Variants in MAP4K5 observed in about 807,000 individuals in gnomAD.
The protein encoded by MAP4K5 is mitogen-activated protein kinase kinase kinase kinase 5.
A neutral mutation model predicts 135.6 loss-of-function variants in MAP4K5; 82 were observed. That is an observed-to-expected ratio of 0.60 (90% confidence interval 0.51 to 0.73). The LOEUF (loss-of-function observed/expected upper bound fraction) is 0.73, where lower values mean the gene tolerates loss of function less well. Ranked by LOEUF, MAP4K5 falls within the 30% of genes least tolerant of loss-of-function variation. The pLI is 0.00. For synonymous variants in MAP4K5, 347 were observed against 335.0 expected, an observed-to-expected ratio of 1.04 and a Z score of -0.39; for missense variants, 907 against 1,010.9, an observed-to-expected ratio of 0.90 and a Z score of 1.39.
At chr14:50,476,419 G>A (rs1428251477) in intron 6 of MAP4K5, 113 bp from the exon 7 acceptor site, 1 of 517,058 alleles carries the variant, frequency 1.9e-6, no homozygotes. Context: ...TCTTTTTTGG[G>A]GAGAAAAAAA....
intron 2 of MAP4K5, among the ~76,000 whole-genome samples, chr14:50,528,402 TAAAAA>T (rs5808556): frequency 1.9e-5 from 2 of 107,066 alleles, no homozygotes; most frequent in African/African-American, 3.7e-5. Context: ...ACCTAAGGTG[TAAAAA>T]AAAAAAAAAA....
At chr14:50,443,562 T>A (rs1478742792) in intron 20 of MAP4K5, among the ~76,000 whole-genome samples, 167 bp downstream of exon 20, 3 of 152,202 alleles carry the variant, frequency 2.0e-5, no homozygotes, top group Non-Finnish European at 4.4e-5. Flanking sequence ...TCAATTCCAA[T>A]TCACACACTC....
chr14:50,491,645 C>T (rs1417989306), intron 3 of MAP4K5, among the ~76,000 whole-genome samples: 1 of 151,480 alleles, frequency 6.6e-6, no homozygotes, highest in Admixed American at 6.6e-5. Context: ...TAAGCATGAA[C>T]TAATACCAAA....
chr14:50,429,643 T>C (rs1045748994), intron 28 of MAP4K5, among the ~76,000 whole-genome samples: 9 of 152,200 alleles, frequency 5.9e-5, no homozygotes, highest in African/African-American at 1.4e-4. Flanking sequence ...ACAAGATGAA[T>C]TGGGTGAATC....
chr14:50,454,333 G>T (rs2036554541), intron 14 of MAP4K5, among the ~76,000 whole-genome samples: 1 of 152,110 alleles, frequency 6.6e-6, no homozygotes, highest in South Asian at 2.1e-4. Flanking sequence ...CTGAGATTCT[G>T]ATCATGTTCT....
chr14:50,537,988 T>C (rs1396592293), intron 2 of MAP4K5, among the ~76,000 whole-genome samples: 1 of 152,086 alleles, frequency 6.6e-6, no homozygotes, highest in East Asian at 1.9e-4. Flanking sequence ...GCATGATTGG[T>C]TTTGAAACGT....
At chr14:50,542,001 C>T (rs1205795024) in intron 2 of MAP4K5, among the ~76,000 whole-genome samples, 7 of 86,282 alleles carry the variant, frequency 8.1e-5, no homozygotes, top group African/African-American at 1.5e-4. Context: ...AGCGAGATTC[C>T]GTCTCAAAAA....
At chr14:50,547,170 A>G (rs916163973) in intron 1 of MAP4K5, among the ~76,000 whole-genome samples, 1 of 152,218 alleles carries the variant, frequency 6.6e-6, no homozygotes, top group African/African-American at 2.4e-5. Flanking sequence ...AGATTTGTCT[A>G]ATATCTCAGT....
At chr14:50,435,728 G>C (rs1949645862) in intron 26 of MAP4K5, among the ~76,000 whole-genome samples, 1 of 151,982 alleles carries the variant, frequency 6.6e-6, no homozygotes, top group African/African-American at 2.4e-5. Context: ...GTGTACAGAT[G>C]TCTACTTAAG....
intron 17 of MAP4K5, among the ~76,000 whole-genome samples, chr14:50,445,601 G>A (rs1206556929): frequency 6.6e-6 from 1 of 151,762 alleles, no homozygotes; most frequent in Non-Finnish European, 1.5e-5. Context: ...ATGGAGTCTC[G>A]CTCTGTCACC....
chr14:50,487,748 A>C (rs927133106), intron 3 of MAP4K5, among the ~76,000 whole-genome samples: 1 of 152,194 alleles, frequency 6.6e-6, no homozygotes, highest in Non-Finnish European at 1.5e-5. Flanking sequence ...TGAAGGTGAC[A>C]GTAGAAAGTC....
chr14:50,483,926 T>A (rs931189189), intron 5 of MAP4K5, among the ~76,000 whole-genome samples: 3 of 151,900 alleles, frequency 2.0e-5, no homozygotes, highest in African/African-American at 7.3e-5. Context: ...ACTGGCGTGA[T>A]CTTGGTTCAC....
chr14:50,456,456 C>G, intron 14 of MAP4K5, 60 bp downstream of exon 14: 17 of 1,205,586 alleles, frequency 1.4e-5, no homozygotes, highest in Non-Finnish European at 2.0e-5. Flanking sequence ...ACAAAACATA[C>G]AAGAACACGC....
chr14:50,422,941 A>G (rs983412805), intron 32 of MAP4K5, among the ~76,000 whole-genome samples, 180 bp downstream of exon 32: 14 of 152,182 alleles, frequency 9.2e-5, no homozygotes, highest in South Asian at 6.2e-4. Flanking sequence ...ACACTGACAA[A>G]AGGTTGCTTA....
intron 28 of MAP4K5, among the ~76,000 whole-genome samples, chr14:50,433,230 C>G (rs1017315666): frequency 1.3e-5 from 2 of 152,160 alleles, no homozygotes; most frequent in Admixed American, 1.3e-4. Context: ...AGGCATACAT[C>G]CAACTCAACT....
chr14:50,462,804 T>A, intron 12 of MAP4K5, 23 bp from the exon 13 acceptor site: 1 of 1,329,384 alleles, frequency 7.5e-7, no homozygotes, highest in Non-Finnish European at 1.1e-6. Context: ...AAAATGAAAT[T>A]TCATGAGTAT....
Position 50,429,130 on chromosome 14 carries a change from C to T in MAP4K5, c.2233+62G>A, listed in dbSNP as rs2139644924. The T allele has an allele frequency of 6.7e-6, 6 of 889,790 alleles. No individual in the cohort carries two copies. The East Asian group carries it at 1.7e-4, about 25-fold the overall frequency. The allele number at this position is 889,790 out of a possible 1,614,324, so 55.1% of individuals were successfully genotyped here. ...GTAAAAATCTTGAATTATGGTTTAACAGAATAAAAAAATTGCTTTATCAAG... is the reference window on the plus strand; with the variant it reads ...GTAAAAATCTTGAATTATGGTTTAATAGAATAAAAAAATTGCTTTATCAAG... On this transcript the variant is annotated intron_variant, in intron 29 of 32. Coordinates refer to ENST00000682126, the MANE Select transcript of MAP4K5 (RefSeq NM_006575.6).
At chr14:50,442,701 T>G in intron 21 of MAP4K5, 31 bp downstream of exon 21, 3 of 1,266,418 alleles carry the variant, frequency 2.4e-6, no homozygotes, top group Non-Finnish European at 2.3e-6. Context: ...AATATTTTAT[T>G]GGAGATGTAT....
chr14:50,430,203 G>C (rs1185080473), intron 28 of MAP4K5, among the ~76,000 whole-genome samples: 2 of 152,060 alleles, frequency 1.3e-5, no homozygotes, highest in African/African-American at 2.4e-5. Context: ...TGCTCCATTA[G>C]AAGTACTTCT....
Sources: gnomAD v4.1 joint callset for allele counts (sites outside exome capture counted in the v4.1 genomes callset) on GRCh38, gnomAD v4.1.1 for gene constraint, MANE v1.5 for transcripts, NCBI Gene and HGNC (gene_info 2026-07-23, HGNC 2026-07-21) for gene names.